The following AGK variants were observed in gnomAD, a reference collection of about 807,000 sequenced individuals.
AGK encodes the protein acylglycerol kinase.
A neutral mutation model predicts 66.4 loss-of-function variants in AGK; 52 were observed. That is an observed-to-expected ratio of 0.78 (90% CI 0.63 to 0.99). The LOEUF is 0.99. Ranked by LOEUF, AGK falls within the 50% of genes least tolerant of loss-of-function variation. The pLI is 0.00. For missense variants in AGK, 451 were observed against 506.6 expected (o/e 0.89, Z 1.05); for synonymous variants, 182 against 181.1 (o/e 1.00, Z -0.04).
Position 141,617,410 on chromosome 7 carries a change from G to A in AGK, c.518+1845G>A, listed in dbSNP as rs929294875. On this transcript the variant is annotated intron_variant, in intron 8 of 15. Coordinates refer to ENST00000649286, the MANE Select transcript of AGK (RefSeq NM_018238.4). ...AAAATTTATAAAACTTAATTTATAAGCATGCCCCAGGGCTGTTAGGTAATC... is the reference window on the plus strand; with the variant it reads ...AAAATTTATAAAACTTAATTTATAAACATGCCCCAGGGCTGTTAGGTAATC... 3.2e-4 allele frequency among the ~76,000 whole-genome samples: 49 copies of A among 152,154 alleles called. 1 individual carries two copies. Among genetic ancestry groups the A allele is most frequent in the African/African-American group, 1.2e-3 (48 of 41,434 alleles).
chr7:141,649,407 A>G, intron 14 of AGK, 74 bp downstream of exon 14: 2 of 1,089,010 alleles, frequency 1.8e-6, no homozygotes, highest in Non-Finnish European at 2.8e-6. Context: ...TGCCCCATGA[A>G]GTCTAAGACA....
At chr7:141,591,095 T>G (rs1416198545) in intron 2 of AGK, among the ~76,000 whole-genome samples, 4 of 135,026 alleles carry the variant, frequency 3.0e-5, no homozygotes, top group African/African-American at 1.2e-4. Context: ...TTTTTTTTTT[T>G]TTTTTTTTTT....
chr7:141,582,265 G>T (rs1230841568), intron 2 of AGK, among the ~76,000 whole-genome samples: 1 of 151,988 alleles, frequency 6.6e-6, no homozygotes, highest in Admixed American at 6.5e-5. Flanking sequence ...TCCTGGGGGA[G>T]GTGGTCCTGG....
chr7:141,589,220 A>T (rs1587097563), intron 2 of AGK, among the ~76,000 whole-genome samples: 2 of 152,246 alleles, frequency 1.3e-5, no homozygotes, highest in Middle Eastern at 3.4e-3. Context: ...GCTTCCTAAT[A>T]TGTAAAATGA....
At chr7:141,625,576 A>G (rs986924721) in intron 9 of AGK, among the ~76,000 whole-genome samples, 1 of 152,158 alleles carries the variant, frequency 6.6e-6, no homozygotes, top group Non-Finnish European at 1.5e-5. Context: ...TAGTTCATCT[A>G]TTGATGACCT....
At chr7:141,588,316 T>C (rs2116911999) in intron 2 of AGK, among the ~76,000 whole-genome samples, 1 of 151,884 alleles carries the variant, frequency 6.6e-6, no homozygotes, top group Admixed American at 6.6e-5. Flanking sequence ...CTCCATAGAG[T>C]GAAGTGAAAG....
chr7:141,567,021 A>G (rs143378273), intron 2 of AGK, among the ~76,000 whole-genome samples: 1,729 of 152,192 alleles, frequency 0.011, 26 homozygotes, highest in African/African-American at 0.039. Flanking sequence ...GAGGTCATTA[A>G]TGGCCTCTTA....
At chr7:141,628,730 G>A (rs907503025) in intron 9 of AGK, among the ~76,000 whole-genome samples, 4 of 152,212 alleles carry the variant, frequency 2.6e-5, no homozygotes, top group African/African-American at 7.2e-5. Context: ...GACGAGTTGT[G>A]CTGGAGATGT....
At chr7:141,586,711 A>T (rs1460567727) in intron 2 of AGK, among the ~76,000 whole-genome samples, 1 of 152,214 alleles carries the variant, frequency 6.6e-6, no homozygotes, top group Non-Finnish European at 1.5e-5. Flanking sequence ...TCTTAAGAAC[A>T]GCAAAACATG....
chr7:141,580,147 G>C (rs189837791), intron 2 of AGK, among the ~76,000 whole-genome samples: 70 of 152,106 alleles, frequency 4.6e-4, no homozygotes, highest in Non-Finnish European at 8.2e-4. Flanking sequence ...ATAACAGCAT[G>C]GTGGTGCAGG....
intron 5 of AGK, among the ~76,000 whole-genome samples, chr7:141,607,233 C>T (rs572651401): frequency 1.3e-5 from 2 of 152,030 alleles, no homozygotes; most frequent in Non-Finnish European, 2.9e-5. Context: ...CGGAAACTGC[C>T]GTTCAAAGTG....
intron 2 of AGK, among the ~76,000 whole-genome samples, chr7:141,579,021 G>T (rs1327872317): frequency 1.3e-5 from 2 of 152,038 alleles, no homozygotes; most frequent in African/African-American, 4.8e-5. Context: ...GTTGAGAATG[G>T]TGAATAGGAG....
At chr7:141,553,739 G>C (rs1795148169) in intron 1 of AGK, among the ~76,000 whole-genome samples, 2 of 152,162 alleles carry the variant, frequency 1.3e-5, no homozygotes, top group Admixed American at 1.3e-4. Flanking sequence ...CGGTGTATGG[G>C]ATTCACAGGA....
chr7:141,588,619 A>G (rs1174004613), intron 2 of AGK, among the ~76,000 whole-genome samples: 1 of 148,592 alleles, frequency 6.7e-6, no homozygotes, highest in African/African-American at 2.4e-5. Context: ...TCGCCTCGGA[A>G]AAAAAAAAAA....
chr7:141,641,439 G>C, intron 12 of AGK, 41 bp downstream of exon 12: 2 of 1,579,166 alleles, frequency 1.3e-6, no homozygotes, highest in Non-Finnish European at 1.7e-6. Context: ...GCCCTGGTCA[G>C]TTTAGAAGTG....
At chr7:141,561,078 C>T (rs1795339075) in intron 2 of AGK, among the ~76,000 whole-genome samples, 2 of 152,324 alleles carry the variant, frequency 1.3e-5, no homozygotes, top group South Asian at 4.1e-4. Context: ...CAGGCGTGAG[C>T]CACCGCGCCC....
At position 141,621,593 on chromosome 7, in the gene AGK, GGGGAGAGAGAGAGA is replaced by G. The variant is rs1048410055; in HGVS notation, c.519-124_519-111del. The G allele has an allele frequency of 8.7e-5, 56 of 641,166 alleles. No homozygotes were observed. In the East Asian group the frequency reaches 1.2e-3, roughly 13 times the overall value. 39.7% of individuals were successfully genotyped at this position (641,166 alleles called of 1,614,324 possible). ...AGGAGGGAGGGAGAGAGGGAAGGAG[GGGGAGAGAGAGAGA>G]GGGAGAGAGAGAGAATGAGAGAGAA... On this transcript the variant is annotated intron_variant, in intron 8 of 15. Transcript: ENST00000649286.
intron 5 of AGK, among the ~76,000 whole-genome samples, chr7:141,606,625 T>C (rs150570209): frequency 1.8e-4 from 28 of 152,330 alleles, no homozygotes; most frequent in African/African-American, 6.7e-4. Context: ...TTCCTACAAT[T>C]GATGAGCCAT....
chr7:141,652,362 C>T (rs1797582073), intron 15 of AGK: 1 of 155,812 alleles, frequency 6.4e-6, no homozygotes, highest in Non-Finnish European at 1.4e-5. Context: ...GAAAATGATC[C>T]AGCAGATACA....
Sources: gnomAD v4.1 joint callset for allele counts (sites outside exome capture counted in the v4.1 genomes callset) on GRCh38, gnomAD v4.1.1 for gene constraint, MANE v1.5 for transcripts, NCBI Gene and HGNC (gene_info 2026-07-23, HGNC 2026-07-21) for gene names.